MSRB3: variants seen among roughly 807,000 people sequenced by gnomAD.
MSRB3 encodes the protein methionine-R-sulfoxide reductase B3.
Under a neutral mutation model 21.0 loss-of-function variants are expected in MSRB3, and 13 were observed. The ratio of observed to expected loss-of-function variants is 0.62; its 90% CI spans 0.40 to 0.98. MSRB3 has a LOEUF of 0.98. MSRB3 is among the 50% of genes least tolerant of loss of function. MSRB3 has a pLI of 0.00. For missense variants in MSRB3, 199 were observed against 230.3 expected, an observed-to-expected ratio of 0.86 and a Z score of 0.88; for synonymous variants, 87 against 88.6, an observed-to-expected ratio of 0.98 and a Z score of 0.10.
At chr12:65,324,555 C>T (rs977213430) in intron 2 of MSRB3, among the ~76,000 whole-genome samples, 1 of 152,132 alleles carries the variant, frequency 6.6e-6, no homozygotes, top group Non-Finnish European at 1.5e-5. Flanking sequence ...CAGATGTTTT[C>T]AATTTTACCT....
chr12:65,430,789 C>T (rs1881839549), intron 5 of MSRB3, among the ~76,000 whole-genome samples: 1 of 152,046 alleles, frequency 6.6e-6, no homozygotes, highest in Non-Finnish European at 1.5e-5. Context: ...CCTGGACCTA[C>T]TCCTAAGCTG....
At chr12:65,376,610 C>G (rs903897058) in intron 5 of MSRB3, among the ~76,000 whole-genome samples, 2 of 151,536 alleles carry the variant, frequency 1.3e-5, no homozygotes, top group Non-Finnish European at 2.9e-5. Flanking sequence ...TGTTCTCACT[C>G]ATAAGTGGGA....
At chr12:65,291,179 A>G (rs577783263) in intron 1 of MSRB3, among the ~76,000 whole-genome samples, 1 of 151,548 alleles carries the variant, frequency 6.6e-6, no homozygotes, top group South Asian at 2.1e-4. Context: ...TTTGCCTCCC[A>G]GGTTCAAGTG....
At chr12:65,287,708 T>C (rs1872450944) in intron 1 of MSRB3, among the ~76,000 whole-genome samples, 1 of 152,074 alleles carries the variant, frequency 6.6e-6, no homozygotes, top group Non-Finnish European at 1.5e-5. Context: ...TTGTGGGGTG[T>C]GAATATGCCT....
chr12:65,301,711 A>G (rs1873341480), intron 1 of MSRB3, among the ~76,000 whole-genome samples: 1 of 152,220 alleles, frequency 6.6e-6, no homozygotes, highest in African/African-American at 2.4e-5. Flanking sequence ...TCAGACTACC[A>G]TTTGTTGATC....
At chr12:65,350,991 C>G (rs1275013000) in intron 4 of MSRB3, among the ~76,000 whole-genome samples, 1 of 150,222 alleles carries the variant, frequency 6.7e-6, no homozygotes, top group Non-Finnish European at 1.5e-5. Context: ...CTCTCCACCC[C>G]AAATCAACAG....
intron 5 of MSRB3, among the ~76,000 whole-genome samples, chr12:65,421,032 G>A (rs1429019876): frequency 6.6e-6 from 1 of 152,124 alleles, no homozygotes; most frequent in Admixed American, 6.5e-5. Context: ...GCTCTTTAAG[G>A]CATTGCCACA....
chr12:65,287,178 G>C (rs1248875102), intron 1 of MSRB3, among the ~76,000 whole-genome samples: 2 of 146,258 alleles, frequency 1.4e-5, no homozygotes, highest in Non-Finnish European at 3.0e-5. Flanking sequence ...TGCCATGGCA[G>C]GATCATAGCA....
chr12:65,446,965 T>C, intron 5 of MSRB3, among the ~76,000 whole-genome samples: 1 of 152,228 alleles, frequency 6.6e-6, no homozygotes, highest in East Asian at 1.9e-4. Flanking sequence ...TGACAGATCA[T>C]TAGTTACCCA....
intron 4 of MSRB3, among the ~76,000 whole-genome samples, chr12:65,357,889 A>G (rs1312937048): frequency 6.6e-6 from 1 of 151,950 alleles, no homozygotes; most frequent in African/African-American, 2.4e-5. Context: ...GACCTTGACC[A>G]CATGGCTGAG....
intron 5 of MSRB3, among the ~76,000 whole-genome samples, chr12:65,377,401 A>G (rs1878686677): frequency 6.6e-6 from 1 of 151,914 alleles, no homozygotes; most frequent in Admixed American, 6.6e-5. Context: ...CCTCCCCAAT[A>G]GCTGGGATTA....
At chr12:65,409,237 A>G (rs1023506693) in intron 5 of MSRB3, among the ~76,000 whole-genome samples, 8 of 152,020 alleles carry the variant, frequency 5.3e-5, no homozygotes, top group Non-Finnish European at 8.8e-5. Context: ...TAATTTAATC[A>G]TCAGAATACA....
At chr12:65,328,725 T>C in intron 4 of MSRB3, 122 bp downstream of exon 4, 1 of 747,124 alleles carries the variant, frequency 1.3e-6, no homozygotes, top group Non-Finnish European at 2.4e-6. Context: ...TCTATTTCCA[T>C]TTACCCCCAA....
intron 5 of MSRB3, among the ~76,000 whole-genome samples, chr12:65,376,118 A>ATTT (rs58214332): frequency 1.8e-4 from 24 of 131,926 alleles, no homozygotes; most frequent in Admixed American, 4.7e-4. Flanking sequence ...TGAGTTTGTA[A>ATTT]TTTTTTTTTT....
At chr12:65,422,388 G>GTATATATATATATATATATATATATA (rs59746471) in intron 5 of MSRB3, among the ~76,000 whole-genome samples, 2 of 92,492 alleles carry the variant, frequency 2.2e-5, no homozygotes, top group Non-Finnish European at 4.2e-5. Flanking sequence ...GGAGTACATA[G>GTATATATATATATATATATATATATA]TATATATATA....
rs1433509564 is a variant in MSRB3, at chr12:65,442,927, G to A, written c.293-10801G>A. On this transcript the variant is annotated intron_variant, in intron 5 of 6. Transcript: ENST00000308259. ...TAGCAAGAGACAGTGTTCAGGCCAG[G>A]GAAAATAAAATCTCCCTCTCCAGGT... Among the ~76,000 whole-genome samples, 3 of 152,126 alleles carry A rather than the reference G, an allele frequency of 2.0e-5. No homozygotes were observed. The South Asian group carries it at 6.2e-4, about 32-fold the overall frequency.
At chr12:65,334,088 T>A (rs995157096) in intron 4 of MSRB3, among the ~76,000 whole-genome samples, 1 of 152,234 alleles carries the variant, frequency 6.6e-6, no homozygotes, top group Non-Finnish European at 1.5e-5. Flanking sequence ...GCATGTGCAA[T>A]CAGCTTCTGA....
intron 1 of MSRB3, among the ~76,000 whole-genome samples, chr12:65,298,392 G>A (rs1267785295): frequency 1.3e-5 from 2 of 152,188 alleles, no homozygotes; most frequent in Admixed American, 6.5e-5. Context: ...GATATAATAA[G>A]CAGTTTGAAG....
chr12:65,291,837 T>C (rs573962438), intron 1 of MSRB3, among the ~76,000 whole-genome samples: 7 of 152,276 alleles, frequency 4.6e-5, no homozygotes, highest in Middle Eastern at 3.4e-3. Context: ...GGAGTTTAGA[T>C]AGTGTTCTGT....
Sources: allele counts gnomAD v4.1 joint callset (sites outside exome capture counted in the v4.1 genomes callset), GRCh38; gene constraint gnomAD v4.1.1; transcripts MANE v1.5; gene names NCBI Gene and HGNC (gene_info 2026-07-23, HGNC 2026-07-21).